Variants in ZNF687 observed in about 807,000 individuals in gnomAD.
The protein encoded by ZNF687 is zinc finger protein 687.
ZNF687 carries 13 observed loss-of-function variants against 71.8 expected under a neutral mutation model. The observed-to-expected ratio is 0.18, with a 90% confidence interval of 0.12 to 0.29. The LOEUF (loss-of-function observed/expected upper bound fraction) is 0.29, where lower values mean the gene tolerates loss of function less well. Among genes scored for constraint, ZNF687 ranks in the 10% least tolerant of loss-of-function variants. ZNF687 has a pLI of 1.00. For missense variants in ZNF687, 1,412 were observed against 1,625.6 expected, an observed-to-expected ratio of 0.87 and a Z score of 2.26; for synonymous variants, 673 against 641.6, an observed-to-expected ratio of 1.05 and a Z score of -0.74.
In ZNF687 at chr1:151,288,237, C is replaced by G; in HGVS notation, c.1946C>G (p.Ala649Gly). The G allele has an allele frequency of 2.5e-6, 4 of 1,613,644 alleles. No homozygotes were observed. Among genetic ancestry groups the G allele is most frequent in the Non-Finnish European group, 8.5e-7 (1 of 1,180,002 alleles). Reference sequence around the variant, plus strand: ...ACCTCCTCTGCCATTACTACAGTTGCTGCTGAGGCCCCTGTCCTGCCGCTC... The same window carrying G: ...ACCTCCTCTGCCATTACTACAGTTGGTGCTGAGGCCCCTGTCCTGCCGCTC... Reference protein sequence around the residue: ...AITSSAITTVAAEAPVLPLST... With the variant: ...AITSSAITTVGAEAPVLPLST... The change falls in exon 2 of 9, where the codon GCT (alanine) becomes GGT (glycine). Residue 649 changes from alanine to glycine, a missense_variant. Coordinates refer to ENST00000336715, the MANE Select transcript of ZNF687 (RefSeq NM_020832.3).
Position 151,290,525 on chromosome 1 carries a change from C to T in ZNF687, c.3171C>T (p.Ser1057=). 5.6e-6 allele frequency: 9 copies of T among 1,613,898 alleles called. No individual in the cohort carries two copies. Among genetic ancestry groups the T allele is most frequent in the Non-Finnish European group, 7.6e-6 (9 of 1,179,946 alleles). The part of the protein sequence containing the change: ...VRHGLQLGAQ[S]PGRGTTLARG... ...ACGGCTTGCAGCTTGGGGCCCAGTC[C>T]CCTGGCCGGGGGACCACCTTGGCTC... The change falls in exon 8 of 9, where the codon TCC becomes TCT. Residue 1057 remains serine (S), a synonymous_variant. Coordinates refer to ENST00000336715, the MANE Select transcript of ZNF687 (RefSeq NM_020832.3).
intron 5 of ZNF687, 53 bp downstream of exon 5, chr1:151,289,593 T>G: frequency 6.2e-7 from 1 of 1,611,462 alleles, no homozygotes; most frequent in Non-Finnish European, 8.5e-7. Flanking sequence ...GACCTGGGGC[T>G]GGGGCCACAT....
intron 1 of ZNF687, among the ~76,000 whole-genome samples, chr1:151,282,728 G>A (rs898107009): frequency 6.6e-6 from 1 of 152,160 alleles, no homozygotes; most frequent in Non-Finnish European, 1.5e-5. Flanking sequence ...CGTTCCCGGG[G>A]ATGGGGGCGG....
chr1:151,285,428 T>C (rs1202574682), intron 1 of ZNF687: 1 of 152,086 alleles, frequency 6.6e-6, no homozygotes, highest in Non-Finnish European at 1.5e-5. Context: ...TTTTTTTTTT[T>C]TTTCTGAGAC....
chr1:151,289,009 C>T (rs777480498), intron 3 of ZNF687, 86 bp from the exon 4 acceptor site: 5 of 1,425,202 alleles, frequency 3.5e-6, no homozygotes, highest in Non-Finnish European at 4.8e-6. Flanking sequence ...TGTAGTCTAC[C>T]CAGTCCCAGA....
chr1:151,289,575 G>T, intron 5 of ZNF687, 35 bp downstream of exon 5: 1 of 1,613,856 alleles, frequency 6.2e-7, no homozygotes, highest in Non-Finnish European at 8.5e-7. Flanking sequence ...TGGGTGCTTA[G>T]CTGTACTGAC....
At chr1:151,285,401 C>CTTCCCTG (rs1693901852) in intron 1 of ZNF687, 1 of 152,042 alleles carries the variant, frequency 6.6e-6, no homozygotes, top group Non-Finnish European at 1.5e-5. Context: ...CTCTATTACC[C>CTTCCCTG]TTCCCTGTTC....
chr1:151,288,494 C>T lies in ZNF687; in HGVS notation c.2116-34C>T, dbSNP rs377058643. ...TAGAAGTAATGGAGACAGGACACTC[C>T]TCACCGACTTTCCTTGTTTAACCCA... On this transcript the variant is annotated intron_variant, in intron 2 of 8. Transcript: ENST00000336715. The T allele has an allele frequency of 1.4e-4, 220 of 1,581,384 alleles. No homozygotes were observed. The African/African-American group carries it at 2.8e-3, about 20-fold the overall frequency.
intron 1 of ZNF687, among the ~76,000 whole-genome samples, chr1:151,284,884 A>G (rs1461540561): frequency 8.0e-6 from 1 of 125,002 alleles, no homozygotes; most frequent in Non-Finnish European, 1.5e-5. Flanking sequence ...ATCATGGCCC[A>G]TCACAGCCTC....
chr1:151,287,210 A>C lies in ZNF687; in HGVS notation c.919A>C (p.Ser307Arg), dbSNP rs1395255703. ...SSPGSPQSPS[S>R]GAEAADEDSN... ...CCCAGGAAGTCCCCAGAGTCCCTCT[A>C]GTGGGGCCGAGGCTGCAGATGAGGA... The change falls in exon 2 of 9, where the codon AGT (serine) becomes CGT (arginine). Residue 307 changes from serine to arginine, a missense_variant. Ser to Arg is a moderately radical substitution (Grantham distance 110). Around this residue, in one of 8 missense-constraint regions of ZNF687, gnomAD observed 490 missense variants for 489.9 expected, o/e 1.00. Coordinates refer to ENST00000336715, the MANE Select transcript of ZNF687 (RefSeq NM_020832.3). This position sits in a 1 kb window ranked among gnomAD's most constrained non-coding sequence, Gnocchi z 5.0. 1 of 1,614,140 alleles carries C rather than the reference A, an allele frequency of 6.2e-7. No individual in the cohort carries two copies. The highest frequency in any genetic ancestry group is 1.1e-5 in the South Asian group (1 of 91,088).
chr1:151,291,093 C>A lies in ZNF687; in HGVS notation c.3598C>A (p.Leu1200Met), dbSNP rs1314121509. The A allele has an allele frequency of 2.5e-6, 4 of 1,613,692 alleles. No homozygotes were observed. The African/African-American group carries it at 4.0e-5, about 16-fold the overall frequency. ...DSPLPASGGPLTCKVCGKSCD... is the reference protein window; with the variant it reads ...DSPLPASGGPMTCKVCGKSCD... ...ACCCCTGCCTGCTTCTGGAGGCCCA[C>A]TGACCTGTAAGGTCTGTGGCAAGAG... is the stretch of plus-strand genomic sequence containing the variant. Residue 1200 changes from leucine (L) to methionine (M), a missense_variant, in exon 9 of 9, where the codon CTG becomes ATG. This residue lies in a region of ZNF687 where 284 missense variants were observed against 359.2 expected (regional missense o/e 0.79). Coordinates refer to ENST00000336715, the MANE Select transcript of ZNF687 (RefSeq NM_020832.3).
rs1223127128 is a variant in ZNF687 at position 151,287,479 on chromosome 1, G to A, written c.1188G>A (p.Leu396=). 6.2e-7 allele frequency: 1 copy of A among 1,614,180 alleles called. No homozygotes were observed. Residue 396 remains leucine (L), a synonymous_variant, in exon 2 of 9, where the codon CTG becomes CTA. Transcript: ENST00000336715. This position sits in a 1 kb window ranked among gnomAD's most constrained non-coding sequence, Gnocchi z 5.0. ...VSVQLGDGTR[L]KGTVLPVATI... ...TACAGTTGGGTGATGGTACAAGGCT[G>A]AAAGGCACTGTGCTGCCTGTGGCCA...
chr1:151,282,389 G>A lies in ZNF687; in HGVS notation c.-24G>A. 6 of 989,268 alleles carry A rather than the reference G, an allele frequency of 6.1e-6. No individual in the cohort carries two copies. Among genetic ancestry groups the A allele is most frequent in the African/African-American group, 1.7e-5 (1 of 57,496 alleles). The allele number at this position is 989,268 out of a possible 1,614,324, so 61.3% of individuals were successfully genotyped here. Reference sequence around the variant, plus strand: ...CCGGGTCTCGGCCCGCACCAGGAGCGGAACAAGTAAGCGTGCCTGGGGTAA... The same window carrying A: ...CCGGGTCTCGGCCCGCACCAGGAGCAGAACAAGTAAGCGTGCCTGGGGTAA... On this transcript the variant is annotated 5_prime_UTR_variant, in exon 1 of 9. Coordinates refer to ENST00000336715, the MANE Select transcript of ZNF687 (RefSeq NM_020832.3).
At chr1:151,285,974 A>C in intron 1 of ZNF687, 1 of 204,462 alleles carries the variant, frequency 4.9e-6, no homozygotes. Context: ...GCCTCCCAAA[A>C]CGCTGGGATT....
chr1:151,291,044 G>GGCCCACCA lies in ZNF687; in HGVS notation c.3549_3550insGCCCACCA (p.Ser1184AlafsTer20), dbSNP rs756290530. 2 of 1,613,860 alleles carry GGCCCACCA rather than the reference G, an allele frequency of 1.2e-6. No individual in the cohort carries two copies. The highest frequency in any genetic ancestry group is 1.7e-6 in the Non-Finnish European group (2 of 1,180,026). ...GGGAGGAAGAGGCCCCTCCATCAAG[G>GGCCCACCA]TCTGACCCCGATGGTGGAGACTCAC... On this transcript the variant is annotated frameshift_variant, in exon 9 of 9. Coordinates refer to ENST00000336715, the MANE Select transcript of ZNF687 (RefSeq NM_020832.3). LOFTEE classifies it high-confidence loss of function.
chr1:151,291,203 C>T lies in ZNF687; in HGVS notation c.3708C>T (p.Asp1236=), dbSNP rs774674972. 2.1e-5 allele frequency: 34 copies of T among 1,608,514 alleles called. No homozygotes were observed. In the Middle Eastern group the frequency reaches 6.6e-4, roughly 31 times the overall value. ...FIRARQGAVG[D]N ...GGGCTCGGCAGGGGGCTGTTGGGGA[C>T]AACTAGTCTCCAAGGCCTGGGACTG... is the stretch of plus-strand genomic sequence containing the variant. Residue 1236 remains aspartate (D), a synonymous_variant, in exon 9 of 9, where the codon GAC becomes GAT. Coordinates refer to ENST00000336715, the MANE Select transcript of ZNF687 (RefSeq NM_020832.3).
chr1:151,281,554 G>T (rs587760750), upstream of ZNF687: 3 of 471,134 alleles, frequency 6.4e-6, no homozygotes, highest in African/African-American at 2.0e-5. Context: ...TTTAGGTCCC[G>T]ATTCCTTCCA....
chr1:151,288,122 C>G lies in ZNF687; in HGVS notation c.1831C>G (p.Pro611Ala), dbSNP rs776302458. 1 of 1,613,908 alleles carries G rather than the reference C, an allele frequency of 6.2e-7. No individual in the cohort carries two copies. Among genetic ancestry groups the G allele is most frequent in the Non-Finnish European group, 8.5e-7 (1 of 1,180,030 alleles). ...PVALDQMVGQPDITPLLPVAV... is the reference protein window; with the variant it reads ...PVALDQMVGQADITPLLPVAV... ...AGCCCTTGACCAGATGGTGGGGCAG[C>G]CGGACATCACACCGCTGCTGCCTGT... Residue 611 changes from proline (P) to alanine (A), a missense_variant, in exon 2 of 9, where the codon CCG becomes GCG. This residue lies in a region of ZNF687 where 207 missense variants were observed against 239.2 expected (regional missense o/e 0.87). Transcript: ENST00000336715.
In ZNF687 at chr1:151,286,443, C is replaced by T. The variant is rs1229489567; in HGVS notation, c.152C>T (p.Ser51Phe). ...GKPEPGVGSE[S>F]EDTAAASAGD... ...CCAGAACCAGGTGTAGGAAGTGAAT[C>T]TGAAGACACAGCAGCAGCCTCTGCT... The change falls in exon 2 of 9, where the codon TCT becomes TTT. Residue 51 changes from serine to phenylalanine, a missense_variant. By Grantham distance (155) the Ser-to-Phe change is radical (BLOSUM62 -2). Coordinates refer to ENST00000336715, the MANE Select transcript of ZNF687 (RefSeq NM_020832.3). The T allele has an allele frequency of 1.2e-5, 19 of 1,613,786 alleles. No homozygotes were observed. The highest frequency in any genetic ancestry group is 1.4e-5 in the Non-Finnish European group (17 of 1,179,822).
Sources: allele counts gnomAD v4.1 joint callset (sites outside exome capture counted in the v4.1 genomes callset), GRCh38; gene constraint gnomAD v4.1.1; regional missense constraint gnomAD v4.1.1; non-coding constraint Gnocchi (gnomAD v3.1); transcripts MANE v1.5; gene names NCBI Gene and HGNC (gene_info 2026-07-23, HGNC 2026-07-21).